Variants in SGSH observed in about 807,000 individuals in gnomAD.
The protein encoded by SGSH is N-sulfoglucosamine sulfohydrolase.
Under a neutral mutation model 51.0 loss-of-function variants are expected in SGSH, and 48 were observed. The ratio of observed to expected loss-of-function variants is 0.94; its 90% confidence interval spans 0.75 to 1.20. SGSH has a LOEUF of 1.20. Ranked by LOEUF, SGSH falls within the 50% of genes most tolerant of loss-of-function variation. SGSH has a pLI of 0.00. For synonymous variants in SGSH, 321 were observed against 313.4 expected, an observed-to-expected ratio of 1.02 and a Z score of -0.26; for missense variants, 662 against 717.8, an observed-to-expected ratio of 0.92 and a Z score of 0.89.
At chr17:80,203,873 C>T (rs753005133), downstream of SGSH, 6 of 1,596,270 alleles carry the variant, frequency 3.8e-6, no homozygotes, top group African/African-American at 1.3e-5. The surrounding 1 kb of genome is among the most constrained non-coding windows in gnomAD (Gnocchi z 4.6). Context: ...AGCAGTGCAC[C>T]GTGACCCGCA....
At chr17:80,211,202 C>G in intron 7 of SGSH, 191 bp from the exon 8 acceptor site, 1 of 1,446,364 alleles carries the variant, frequency 6.9e-7, no homozygotes, top group South Asian at 1.4e-5. Context: ...AATGGTATAA[C>G]AAGAGGCCCT....
downstream of SGSH, chr17:80,205,218 C>T: frequency 6.2e-7 from 1 of 1,604,474 alleles, no homozygotes; most frequent in Non-Finnish European, 8.5e-7. Flanking sequence ...ATGCTGTTGC[C>T]TGGGAATCCC....
downstream of SGSH, chr17:80,204,414 T>TG: frequency 7.1e-7 from 1 of 1,413,984 alleles, no homozygotes. Flanking sequence ...TGCTGCTAGT[T>TG]GGTCAGCTGG....
chr17:80,211,225 T>G, intron 7 of SGSH: 2 of 1,379,508 alleles, frequency 1.4e-6, no homozygotes, highest in Non-Finnish European at 1.9e-6. Context: ...TTCGGTGACA[T>G]TTAGGATCCT....
chr17:80,204,628 A>G (rs1598708691), downstream of SGSH: 1 of 77,676 alleles, frequency 1.3e-5, no homozygotes, highest in Non-Finnish European at 3.5e-5. Context: ...CTGTCTCAGG[A>G]AAAAAAAAAA....
chr17:80,208,274 C>T (rs780350425), downstream of SGSH: 5 of 1,597,522 alleles, frequency 3.1e-6, no homozygotes, highest in Admixed American at 1.8e-5. Flanking sequence ...GGACGGCCTG[C>T]TCAGCTGTGT....
chr17:80,211,888 A>C, intron 7 of SGSH, 183 bp downstream of exon 7: 2 of 645,196 alleles, frequency 3.1e-6, no homozygotes, highest in African/African-American at 1.8e-5. Flanking sequence ...AATCCTGAGC[A>C]GCTTACTTCA....
At chr17:80,206,124 A>G (rs960720735), downstream of SGSH, among the ~76,000 whole-genome samples, 13 of 152,316 alleles carry the variant, frequency 8.5e-5, no homozygotes, top group African/African-American at 2.4e-4. Flanking sequence ...TGAAAAATCA[A>G]AGGGATGGAA....
intron 1 of SGSH, among the ~76,000 whole-genome samples, chr17:80,218,756 T>C (rs1342213862): frequency 6.6e-6 from 1 of 152,206 alleles, no homozygotes; most frequent in Non-Finnish European, 1.5e-5. Flanking sequence ...AGAATTCATA[T>C]GCTGAAGCCC....
downstream of SGSH, chr17:80,203,958 A>C: frequency 4.7e-6 from 6 of 1,266,000 alleles, no homozygotes; most frequent in Non-Finnish European, 6.7e-6. The surrounding 1 kb of genome is among the most constrained non-coding windows in gnomAD (Gnocchi z 4.6). Context: ...GCAGGGTGGC[A>C]GGAGGCACTG....
rs886053554 is a variant in SGSH, at chr17:80,209,474, G to A, written c.*978C>T. On this transcript the variant is annotated 3_prime_UTR_variant, in exon 8 of 8. Coordinates refer to ENST00000326317, the MANE Select transcript of SGSH (RefSeq NM_000199.5). ...GTGTCCAGGCCGGGCTTCTGCTCCC[G>A]AGGTGGGTGGAGGCAGGGCAGGAAC... 1.4e-5 allele frequency: 14 copies of A among 985,538 alleles called. 1 individual carries two copies. The highest frequency in any genetic ancestry group is 5.2e-4 in the Middle Eastern group (1 of 1,916). The allele number at this position is 985,538 out of a possible 1,614,324, so 61.0% of individuals were successfully genotyped here.
rs763411432 is a variant in SGSH, at chr17:80,212,054, G to T, written c.949+17C>A. On this transcript the variant is annotated intron_variant, in intron 7 of 7. Coordinates refer to ENST00000326317, the MANE Select transcript of SGSH (RefSeq NM_000199.5). The surrounding 1 kb of genome is among the most constrained non-coding windows in gnomAD (Gnocchi z 5.9). ...CCACTCCCACACCTTTCCTGACGGAGACAGACAAAGGCATACCTAGGAGGC... is the reference window on the plus strand; with the variant it reads ...CCACTCCCACACCTTTCCTGACGGATACAGACAAAGGCATACCTAGGAGGC... 3.1e-6 allele frequency: 5 copies of T among 1,609,990 alleles called. No homozygotes were observed. The highest frequency in any genetic ancestry group is 4.2e-6 in the Non-Finnish European group (5 of 1,177,104).
At chr17:80,211,499 AGCCCCTCACAAAGTCTTCCT>A (rs2041664934) in intron 7 of SGSH, 1 of 268,854 alleles carries the variant, frequency 3.7e-6, no homozygotes, top group African/African-American at 2.2e-5. Flanking sequence ...GGTCACCCCG[AGCCCCTCACAAAGTCTTCCT>A]GCACCCGTGT....
intron 1 of SGSH, 103 bp from the exon 2 acceptor site, chr17:80,217,295 C>T: frequency 7.3e-7 from 1 of 1,366,562 alleles, no homozygotes; most frequent in Non-Finnish European, 1.0e-6. Context: ...GGCGAGACAC[C>T]CAGGTGGGCA....
Position 80,217,115 on chromosome 17 carries a change from G to T in SGSH, c.166C>A (p.Arg56Ser). The T allele has an allele frequency of 6.2e-7, 1 of 1,601,108 alleles. No homozygotes were observed. ...ATPHLDALAR[R>S]SLLFRNAFTS... ...AAGGCATTGCGAAAGAGGAGGCTGC[G>T]GCGGGCCAAGGCGTCCAGGTGCGGG... The change falls in exon 2 of 8, where the codon CGC (arginine) becomes AGC (serine). Residue 56 changes from arginine to serine, a missense_variant. Coordinates refer to ENST00000326317, the MANE Select transcript of SGSH (RefSeq NM_000199.5).
chr17:80,210,574 T>C lies in SGSH; in HGVS notation c.1387A>G (p.Met463Val). The C allele has an allele frequency of 6.2e-7, 1 of 1,613,102 alleles. No homozygotes were observed. Among genetic ancestry groups the C allele is most frequent in the Non-Finnish European group, 8.5e-7 (1 of 1,179,884 alleles). Residue 463 changes from methionine (M) to valine (V), a missense_variant, in exon 8 of 8, where the codon ATG becomes GTG. Physicochemically the swap from Met to Val is conservative, Grantham distance 21. Coordinates refer to ENST00000326317, the MANE Select transcript of SGSH (RefSeq NM_000199.5). ...TDPRFAQLLE[M>V]LRDQLAKWQW... ...CACTTGGCCAGCTGGTCCCGAAGCA[T>C]CTCCAGAAGCTGAGCAAAGCGCGGG...
Position 80,209,948 on chromosome 17 carries a change from G to C in SGSH, c.*504C>G, listed in dbSNP as rs1320643470. 3.0e-6 allele frequency: 3 copies of C among 1,000,634 alleles called. No individual in the cohort carries two copies. Among genetic ancestry groups the C allele is most frequent in the East Asian group, 2.0e-4 (2 of 10,106 alleles). 62.0% of individuals were successfully genotyped at this position (1,000,634 alleles called of 1,614,324 possible). A position where few individuals can be genotyped will look rare whatever the true frequency, so the allele number is the denominator to read the frequency against. ...GGCCAGACGCTGGTAAGAGCCAGGC[G>C]CCGTGCTCCCAGGTGAGTGTCGGTG... On this transcript the variant is annotated 3_prime_UTR_variant, in exon 8 of 8. Coordinates refer to ENST00000326317, the MANE Select transcript of SGSH (RefSeq NM_000199.5).
chr17:80,214,408 CTCTG>C, intron 4 of SGSH, 80 bp from the exon 5 acceptor site: 6 of 1,500,960 alleles, frequency 4.0e-6, no homozygotes, highest in Non-Finnish European at 5.4e-6. Flanking sequence ...CTGCCTCCTC[CTCTG>C]TATCTGGAAG....
At position 80,210,174 on chromosome 17, in the gene SGSH, CG is replaced by C; in HGVS notation, c.*277del. The C allele has an allele frequency of 7.3e-7, 1 of 1,366,322 alleles. No homozygotes were observed. The highest frequency in any genetic ancestry group is 9.5e-7 in the Non-Finnish European group (1 of 1,057,790). The allele number at this position is 1,366,322 out of a possible 1,614,324, so 84.6% of individuals were successfully genotyped here. A position where few individuals can be genotyped will look rare whatever the true frequency, so the allele number is the denominator to read the frequency against. The stretch of plus-strand genomic sequence containing the variant: ...GCAGACCACGTATGTCTAGAATTCC[CG>C]TGCTGGGACATGGTTCAGACACAAG... On this transcript the variant is annotated 3_prime_UTR_variant, in exon 8 of 8. Transcript: ENST00000326317.
Sources: gnomAD v4.1 joint callset for allele counts (sites outside exome capture counted in the v4.1 genomes callset) on GRCh38, gnomAD v4.1.1 for gene constraint, Gnocchi (gnomAD v3.1) non-coding constraint, MANE v1.5 for transcripts, NCBI Gene and HGNC (gene_info 2026-07-23, HGNC 2026-07-21) for gene names.